BSCL2: variants seen among roughly 807,000 people sequenced by gnomAD.
BSCL2 encodes the protein seipin.
In BSCL2, 41 loss-of-function variants were observed where a neutral mutation model predicts 57.4. The ratio of observed to expected loss-of-function variants is 0.71; its 90% CI spans 0.56 to 0.93. The LOEUF is 0.93. Ranked by LOEUF, BSCL2 falls within the 40% of genes least tolerant of loss-of-function variation. The probability of loss-of-function intolerance (pLI) is 0.00; values close to 1 mark genes in which losing one functional copy is unlikely to be tolerated. For synonymous variants in BSCL2, 237 were observed against 227.3 expected (o/e 1.04, Z -0.38); for missense variants, 539 against 586.7 (o/e 0.92, Z 0.84).
At chr11:62,692,275 A>T in intron 6 of BSCL2, 101 bp downstream of exon 6, 6 of 1,243,720 alleles carry the variant, frequency 4.8e-6, no homozygotes, top group Non-Finnish European at 7.0e-6. Flanking sequence ...AACCCAAGTC[A>T]GCTCTGCTCT....
In BSCL2 at chr11:62,690,814, C is replaced by A. The variant is rs1945289474; in HGVS notation, c.1126G>T (p.Glu376Ter). 2.5e-6 allele frequency: 4 copies of A among 1,613,642 alleles called. No homozygotes were observed. Among genetic ancestry groups the A allele is most frequent in the Non-Finnish European group, 2.5e-6 (3 of 1,179,950 alleles). The part of the protein sequence containing the change: ...TPQSDVTEDG[E>*]SPEDPSGTEG... ...GTCCCTGAGGGATCTTCAGGGCTCT[C>A]ACCATCCTCTGTAACATCTGATTGC... The change falls in exon 9 of 11, where the codon GAG (glutamate) becomes TAG (stop). Residue 376 changes from glutamate to a stop codon, truncating the protein, a stop_gained. Transcript: ENST00000360796. LOFTEE classifies it high-confidence loss of function.
Position 62,690,468 on chromosome 11 carries a change from G to A in BSCL2, c.1288C>T (p.Pro430Ser), listed in dbSNP as rs377310581. The change falls in exon 11 of 11, where the codon CCT (proline) becomes TCT (serine). Residue 430 changes from proline (P) to serine (S), a missense_variant. By Grantham distance (74) the Pro-to-Ser change is moderately conservative (BLOSUM62 -1). This residue lies in a region of BSCL2 where 248 missense variants were observed against 239.9 expected (regional missense o/e 1.03). Transcript: ENST00000360796. Reference sequence around the variant, plus strand: ...GGGGCAGAAGCAGAAGCAGGAGCAGGAGCAGGCAGGTTGGCCTCCGTCAGC... The same window carrying A: ...GGGGCAGAAGCAGAAGCAGGAGCAGAAGCAGGCAGGTTGGCCTCCGTCAGC... ...ALLTEANLPA[P>S]APASASAPVL... 5.1e-5 allele frequency: 83 copies of A among 1,614,070 alleles called. No homozygotes were observed. Among genetic ancestry groups the A allele is most frequent in the Non-Finnish European group, 5.3e-5 (63 of 1,180,038 alleles).
At chr11:62,708,252 C>A, upstream of BSCL2, 1 of 1,288,128 alleles carries the variant, frequency 7.8e-7, no homozygotes, top group Non-Finnish European at 1.1e-6. Context: ...GGAGGGGGGC[C>A]TCCAGCTGAG....
At chr11:62,692,875 C>G (rs947171594) in intron 4 of BSCL2, 78 bp from the exon 5 acceptor site, 29 of 1,589,048 alleles carry the variant, frequency 1.8e-5, no homozygotes, top group Non-Finnish European at 2.4e-5. Context: ...TCAACCACCC[C>G]TGAGTAGTCT....
In BSCL2 at chr11:62,703,574, A is replaced by G. The variant is rs570972756; in HGVS notation, c.405-1025T>C. ...CACGGTGTTAGCCAGGATAGTCTCAATCTCCTGACCTTGTGATCCGCCTGC... is the reference window on the plus strand; with the variant it reads ...CACGGTGTTAGCCAGGATAGTCTCAGTCTCCTGACCTTGTGATCCGCCTGC... On this transcript the variant is annotated intron_variant, in intron 2 of 10. Coordinates refer to ENST00000360796, the MANE Select transcript of BSCL2 (RefSeq NM_001122955.4). Among the ~76,000 whole-genome samples the G allele has an allele frequency of 7.8e-4, 118 of 150,672 alleles. 1 individual carries two copies. The highest frequency in any genetic ancestry group is 2.8e-3 in the African/African-American group (114 of 41,118).
At chr11:62,694,473 G>A in intron 4 of BSCL2, 95 bp downstream of exon 4, 1 of 1,584,372 alleles carries the variant, frequency 6.3e-7, no homozygotes, top group East Asian at 2.2e-5. Flanking sequence ...CCAAACTGCT[G>A]GGATTATAGG....
In BSCL2 at chr11:62,691,159, C is replaced by T; in HGVS notation, c.1006-18G>A. On this transcript the variant is annotated intron_variant, in intron 7 of 10. Coordinates refer to ENST00000360796, the MANE Select transcript of BSCL2 (RefSeq NM_001122955.4). ...ATGTTAACCTGTGGAGGAAAAACTA[C>T]TGAGCAGCCAGGACTGACTTCCCTC... 6.2e-7 allele frequency: 1 copy of T among 1,614,204 alleles called. No homozygotes were observed. Among genetic ancestry groups the T allele is most frequent in the Non-Finnish European group, 8.5e-7 (1 of 1,180,014 alleles).
At chr11:62,702,595 G>A in intron 2 of BSCL2, 46 bp from the exon 3 acceptor site, 1 of 1,538,116 alleles carries the variant, frequency 6.5e-7, no homozygotes, top group Non-Finnish European at 9.0e-7. Flanking sequence ...AGTCTTACTA[G>A]TCCATCCATA....
upstream of BSCL2, chr11:62,709,266 A>C (rs1248498914): frequency 4.4e-6 from 2 of 454,230 alleles, no homozygotes; most frequent in African/African-American, 4.0e-5. Flanking sequence ...TGCCATACCC[A>C]GGGAAAAGGG....
chr11:62,697,267 C>T (rs1483691027), intron 3 of BSCL2, among the ~76,000 whole-genome samples: 2 of 149,624 alleles, frequency 1.3e-5, no homozygotes, highest in South Asian at 4.3e-4. Context: ...TGGTGGTGGG[C>T]GCCTGTAGTC....
At chr11:62,708,476 C>T (rs1029762661), upstream of BSCL2, 15 of 1,243,578 alleles carry the variant, frequency 1.2e-5, no homozygotes, top group Admixed American at 8.5e-5. Context: ...ATAAGAGATG[C>T]GTTCTTTCCT....
At chr11:62,705,015 A>G (rs1945776884) in intron 2 of BSCL2, among the ~76,000 whole-genome samples, 1 of 151,782 alleles carries the variant, frequency 6.6e-6, no homozygotes, top group African/African-American at 2.4e-5. Flanking sequence ...TGGCCCTGAG[A>G]GAGGGGTGAT....
chr11:62,709,441 A>G (rs1269842756), upstream of BSCL2: 2 of 453,906 alleles, frequency 4.4e-6, no homozygotes, highest in East Asian at 1.4e-4. Flanking sequence ...CCAAGTTAAA[A>G]GGTAAACAGG....
chr11:62,691,573 C>T (rs1945311664), intron 6 of BSCL2, 152 bp from the exon 7 acceptor site: 1 of 951,226 alleles, frequency 1.1e-6, no homozygotes, highest in African/African-American at 1.6e-5. Context: ...GTTTCCAGAA[C>T]CTGCTATACC....
chr11:62,699,153 T>C (rs1243895787), intron 3 of BSCL2, among the ~76,000 whole-genome samples: 1 of 152,002 alleles, frequency 6.6e-6, no homozygotes, highest in Non-Finnish European at 1.5e-5. Context: ...TCCGCCCGCC[T>C]CGGCCTCCCA....
At chr11:62,703,533 A>C (rs1945713417) in intron 2 of BSCL2, among the ~76,000 whole-genome samples, 1 of 150,414 alleles carries the variant, frequency 6.6e-6, no homozygotes, top group African/African-American at 2.4e-5. Flanking sequence ...TTTTATTTTT[A>C]GTAGAGACAG....
intron 3 of BSCL2, among the ~76,000 whole-genome samples, chr11:62,695,485 G>C (rs1452318197): frequency 1.3e-5 from 2 of 150,818 alleles, no homozygotes; most frequent in Non-Finnish European, 3.0e-5. Context: ...AAGGCAGGTG[G>C]ATCACCTGAG....
At chr11:62,693,387 C>T (rs780566047) in intron 4 of BSCL2, among the ~76,000 whole-genome samples, 4 of 151,936 alleles carry the variant, frequency 2.6e-5, no homozygotes, top group Admixed American at 2.6e-4. Flanking sequence ...ACCTGTAGTC[C>T]CAGCTACTTG....
rs773290851 is a variant in BSCL2 at position 62,692,675 on chromosome 11, A to G, written c.753T>C (p.Tyr251=). 6 of 1,614,074 alleles carry G rather than the reference A, an allele frequency of 3.7e-6. No homozygotes were observed. Among genetic ancestry groups the G allele is most frequent in the Admixed American group, 3.3e-5 (2 of 60,008 alleles). The change falls in exon 5 of 11, where the codon TAT becomes TAC. Residue 251 remains tyrosine, a synonymous_variant. Coordinates refer to ENST00000360796, the MANE Select transcript of BSCL2 (RefSeq NM_001122955.4). The part of the protein sequence containing the change: ...QLLEVELYAD[Y]RENSYVPTTG... The stretch of plus-strand genomic sequence containing the variant: ...TCACCTCACTCACCGAGTTCTCTCT[A>G]TAGTCTGCGTAGAGTTCCACCTCCA...
Sources: allele counts gnomAD v4.1 joint callset (sites outside exome capture counted in the v4.1 genomes callset), GRCh38; gene constraint gnomAD v4.1.1; regional missense constraint gnomAD v4.1.1; transcripts MANE v1.5; gene names NCBI Gene and HGNC (gene_info 2026-07-23, HGNC 2026-07-21).